COG5: variants seen among roughly 807,000 people sequenced by gnomAD.
COG5 encodes the protein conserved oligomeric Golgi complex subunit 5.
Under a neutral mutation model 110.4 loss-of-function variants are expected in COG5, and 86 were observed. That is an observed-to-expected ratio of 0.78 (90% CI 0.65 to 0.93). The LOEUF (loss-of-function observed/expected upper bound fraction) is 0.93, where lower values mean the gene tolerates loss of function less well. Among genes scored for constraint, COG5 ranks in the 40% least tolerant of loss-of-function variants. The pLI is 0.00. For missense variants in COG5, 1,077 were observed against 987.0 expected, an observed-to-expected ratio of 1.09 and a Z score of -1.22; for synonymous variants, 360 against 334.6, an observed-to-expected ratio of 1.08 and a Z score of -0.83.
At chr7:107,245,115 CAT>C (rs1181861789) in intron 17 of COG5, among the ~76,000 whole-genome samples, 3 of 152,336 alleles carry the variant, frequency 2.0e-5, no homozygotes, top group African/African-American at 7.2e-5. Flanking sequence ...GCAAAAACCA[CAT>C]GATTATCTCA....
intron 14 of COG5, among the ~76,000 whole-genome samples, chr7:107,267,703 AC>A (rs1240613366): frequency 3.9e-5 from 6 of 152,164 alleles, no homozygotes; most frequent in African/African-American, 1.4e-4. Context: ...ATACAGAATA[AC>A]TAAAATCCCA....
intron 14 of COG5, among the ~76,000 whole-genome samples, chr7:107,266,901 G>A (rs997706379): frequency 3.9e-5 from 6 of 152,130 alleles, no homozygotes; most frequent in African/African-American, 1.4e-4. Flanking sequence ...ATTTTAAAAA[G>A]AGGTTTTTTA....
At chr7:107,334,033 T>A (rs958667661) in intron 10 of COG5, among the ~76,000 whole-genome samples, 1 of 152,130 alleles carries the variant, frequency 6.6e-6, no homozygotes, top group Non-Finnish European at 1.5e-5. Context: ...TTACTAGTAT[T>A]TTGAAAATTC....
chr7:107,503,118 G>C (rs572543071), intron 6 of COG5, among the ~76,000 whole-genome samples: 31 of 152,170 alleles, frequency 2.0e-4, no homozygotes, highest in Admixed American at 6.5e-4. Flanking sequence ...TTTCTCCTAC[G>C]GTTTGTATGG....
chr7:107,313,246 A>G (rs1808437492), intron 11 of COG5, among the ~76,000 whole-genome samples: 1 of 152,220 alleles, frequency 6.6e-6, no homozygotes, highest in Non-Finnish European at 1.5e-5. Flanking sequence ...GTAAAAGAGG[A>G]GAATGAAAGG....
At chr7:107,223,022 T>G (rs765684045) in intron 19 of COG5, among the ~76,000 whole-genome samples, 1 of 152,214 alleles carries the variant, frequency 6.6e-6, no homozygotes, top group African/African-American at 2.4e-5. Context: ...GCTGCTCCTG[T>G]GTCCACATCT....
At chr7:107,472,562 T>C (rs1298280114) in intron 6 of COG5, 1 of 151,986 alleles carries the variant, frequency 6.6e-6, no homozygotes, top group Non-Finnish European at 1.5e-5. Flanking sequence ...TGATGTTTAA[T>C]CTGTCAGTTC....
intron 6 of COG5, among the ~76,000 whole-genome samples, chr7:107,491,385 T>G (rs1797965203): frequency 6.6e-6 from 1 of 152,084 alleles, no homozygotes; most frequent in Admixed American, 6.6e-5. Flanking sequence ...CACCATTTTA[T>G]CCTACTCACT....
At chr7:107,561,874 G>C (rs1803802221) in intron 1 of COG5, among the ~76,000 whole-genome samples, 1 of 152,134 alleles carries the variant, frequency 6.6e-6, no homozygotes, top group African/African-American at 2.4e-5. Context: ...TTCTCAGGAG[G>C]CTGAGCCAGG....
chr7:107,530,033 C>T (rs2129159260), intron 5 of COG5, among the ~76,000 whole-genome samples: 1 of 152,320 alleles, frequency 6.6e-6, no homozygotes, highest in Middle Eastern at 3.4e-3. Flanking sequence ...CTAAGACTGT[C>T]ATCCAGAATT....
intron 18 of COG5, among the ~76,000 whole-genome samples, chr7:107,233,561 T>A (rs1329365378): frequency 6.6e-6 from 1 of 152,234 alleles, no homozygotes; most frequent in African/African-American, 2.4e-5. Context: ...AATTGGACTT[T>A]ACGGCAAATA....
At chr7:107,542,142 TAA>T (rs1340900741) in intron 5 of COG5, among the ~76,000 whole-genome samples, 1 of 151,988 alleles carries the variant, frequency 6.6e-6, no homozygotes, top group Non-Finnish European at 1.5e-5. Context: ...GAATTTTTCA[TAA>T]AAGAGAACTA....
At chr7:107,443,063 A>G (rs1282594646) in intron 6 of COG5, among the ~76,000 whole-genome samples, 1 of 152,194 alleles carries the variant, frequency 6.6e-6, no homozygotes, top group Non-Finnish European at 1.5e-5. Flanking sequence ...TTACTTCAGA[A>G]AAGACAATTC....
chr7:107,242,069 AC>A (rs1390885091), intron 17 of COG5, among the ~76,000 whole-genome samples: 7 of 152,330 alleles, frequency 4.6e-5, no homozygotes, highest in African/African-American at 7.2e-5. Context: ...GGCATAAGCC[AC>A]TGTGCCCAGC....
intron 2 of COG5, among the ~76,000 whole-genome samples, chr7:107,555,572 C>T (rs796897624): frequency 2.6e-5 from 4 of 152,320 alleles, no homozygotes; most frequent in African/African-American, 9.6e-5. Context: ...ATATGTCCAT[C>T]TTAACAAGAC....
chr7:107,508,433 T>C (rs1191886289), intron 6 of COG5, among the ~76,000 whole-genome samples: 8 of 152,240 alleles, frequency 5.3e-5, no homozygotes, highest in African/African-American at 1.7e-4. Context: ...TGCCTGCCTC[T>C]GTAGGCTCCA....
At chr7:107,455,971 T>A (rs992953858) in intron 6 of COG5, among the ~76,000 whole-genome samples, 3 of 151,926 alleles carry the variant, frequency 2.0e-5, no homozygotes, top group African/African-American at 7.3e-5. Context: ...TTTTTTTTTT[T>A]ATTTTTTAGT....
chr7:107,442,055 G>A (rs1220411186), intron 6 of COG5, among the ~76,000 whole-genome samples: 1 of 152,168 alleles, frequency 6.6e-6, no homozygotes, highest in Non-Finnish European at 1.5e-5. Flanking sequence ...TTGGCTCTGT[G>A]GCCCCACCCA....
intron 7 of COG5, among the ~76,000 whole-genome samples, chr7:107,390,414 G>A (rs960143696): frequency 6.6e-6 from 1 of 151,962 alleles, no homozygotes; most frequent in South Asian, 2.1e-4. Context: ...ATATGTGGGG[G>A]AGCAACAAGA....
Sources: allele counts gnomAD v4.1 joint callset (sites outside exome capture counted in the v4.1 genomes callset), GRCh38; gene constraint gnomAD v4.1.1; transcripts MANE v1.5; gene names NCBI Gene and HGNC (gene_info 2026-07-23, HGNC 2026-07-21).